Variants in LMTK2 observed in about 807,000 individuals in gnomAD.
LMTK2 encodes the protein lemur tail kinase 2.
A neutral mutation model predicts 127.5 loss-of-function variants in LMTK2; 37 were observed. The observed-to-expected ratio is 0.29, with a 90% CI of 0.22 to 0.38. The LOEUF is 0.38. LMTK2 is among the 10% of genes least tolerant of loss of function. The pLI, the probability that LMTK2 is intolerant of heterozygous loss-of-function variation, is 1.00. For missense variants in LMTK2, 1,694 were observed against 1,920.3 expected (o/e 0.88, Z 2.20); for synonymous variants, 819 against 810.1 (o/e 1.01, Z -0.19).
chr7:98,172,302 C>CTTTT (rs397948033), intron 7 of LMTK2, among the ~76,000 whole-genome samples: 3 of 127,838 alleles, frequency 2.3e-5, no homozygotes, highest in African/African-American at 5.9e-5. Context: ...GACCATAGTT[C>CTTTT]TTTTTTTTTT....
chr7:98,194,997 A>G lies in LMTK2; in HGVS notation c.4107+425A>G, dbSNP rs549541630. On this transcript the variant is annotated intron_variant, in intron 11 of 13. Coordinates refer to ENST00000297293, the MANE Select transcript of LMTK2 (RefSeq NM_014916.4). The surrounding 1 kb of genome is among the most constrained non-coding windows in gnomAD (Gnocchi z 5.4). ...CACCTTCCATAATAGCTGGGCCCACAGGTTCATGCCACCATGGCTGGCTAA... is the reference window on the plus strand; with the variant it reads ...CACCTTCCATAATAGCTGGGCCCACGGGTTCATGCCACCATGGCTGGCTAA... Among the ~76,000 whole-genome samples the G allele has an allele frequency of 1.3e-5, 2 of 152,260 alleles. No individual in the cohort carries two copies. The highest frequency in any genetic ancestry group is 4.1e-4 in the South Asian group (2 of 4,822).
intron 7 of LMTK2, among the ~76,000 whole-genome samples, chr7:98,177,385 A>G (rs930181098): frequency 2.6e-5 from 4 of 152,262 alleles, no homozygotes; most frequent in African/African-American, 4.8e-5. Context: ...TGAAGAATGT[A>G]AAATAACATG....
chr7:98,194,161 G>A lies in LMTK2; in HGVS notation c.3696G>A (p.Thr1232=), dbSNP rs145993561. 2.7e-5 allele frequency: 43 copies of A among 1,613,858 alleles called. No homozygotes were observed. Among genetic ancestry groups the A allele is most frequent in the African/African-American group, 1.9e-4 (14 of 74,890 alleles). The change falls in exon 11 of 14, where the codon ACG becomes ACA. Residue 1232 remains threonine (T), a synonymous_variant. Transcript: ENST00000297293. This position sits in a 1 kb window ranked among gnomAD's most constrained non-coding sequence, Gnocchi z 5.4. ...PCTLASTGTN[T]NELLAYTNSA... is the part of the protein sequence containing the mutation. ...CCCTCGCTTCCACGGGGACCAACACGAACGAACTCCTTGCCTACACCAATT... is the reference window on the plus strand; with the variant it reads ...CCCTCGCTTCCACGGGGACCAACACAAACGAACTCCTTGCCTACACCAATT...
At chr7:98,191,349 C>G (rs1047951637) in intron 10 of LMTK2, among the ~76,000 whole-genome samples, 7 of 151,980 alleles carry the variant, frequency 4.6e-5, no homozygotes, top group Non-Finnish European at 8.8e-5. Context: ...GTGAGGAGTT[C>G]AAGACCAGCC....
intron 6 of LMTK2, among the ~76,000 whole-genome samples, chr7:98,161,210 A>G (rs901673429): frequency 7.9e-5 from 12 of 151,670 alleles, no homozygotes; most frequent in African/African-American, 1.5e-4. Context: ...TTCCCCATCT[A>G]CAAGTCTGGA....
chr7:98,110,790 G>A (rs149072419), intron 1 of LMTK2, among the ~76,000 whole-genome samples: 1 of 152,352 alleles, frequency 6.6e-6, no homozygotes, highest in Non-Finnish European at 1.5e-5. Flanking sequence ...TACAGAGGAA[G>A]CTTTTAGCAG....
At chr7:98,110,267 T>C (rs1325691673) in intron 1 of LMTK2, among the ~76,000 whole-genome samples, 1 of 152,218 alleles carries the variant, frequency 6.6e-6, no homozygotes, top group East Asian at 1.9e-4. Context: ...TCTTATTCAG[T>C]CATAATAAAG....
At chr7:98,140,077 A>ACTTACTTACTTT (rs1562902425) in intron 2 of LMTK2, among the ~76,000 whole-genome samples, 1 of 23,754 alleles carries the variant, frequency 4.2e-5, no homozygotes, top group African/African-American at 9.1e-5. Context: ...GGTTTCCACA[A>ACTTACTTACTTT]CTTTCTTTCT....
Position 98,207,134 on chromosome 7 carries a change from C to G in LMTK2, c.*1642C>G, listed in dbSNP as rs1797817611. ...CGGCTGTGCTGTGCTGGGGAGGCAG[C>G]CGTTCCTTCGGGGGTCCTTGGGCCT... is the stretch of plus-strand genomic sequence containing the variant. On this transcript the variant is annotated 3_prime_UTR_variant, in exon 14 of 14. Coordinates refer to ENST00000297293, the MANE Select transcript of LMTK2 (RefSeq NM_014916.4). 1 of 152,310 alleles carries G rather than the reference C, an allele frequency of 6.6e-6. No homozygotes were observed. 9.4% of individuals were successfully genotyped at this position (152,310 alleles called of 1,614,324 possible). A position where few individuals can be genotyped will look rare whatever the true frequency, so the allele number is the denominator to read the frequency against.
At chr7:98,203,524 G>A (rs781604374) in intron 11 of LMTK2, 50 bp from the exon 12 acceptor site, 41 of 1,550,732 alleles carry the variant, frequency 2.6e-5, no homozygotes, top group Admixed American at 8.9e-5. Flanking sequence ...CACACGGGGG[G>A]TTCCCGTGAG....
At chr7:98,191,335 C>T (rs748948734) in intron 10 of LMTK2, among the ~76,000 whole-genome samples, 1 of 152,120 alleles carries the variant, frequency 6.6e-6, no homozygotes, top group East Asian at 2.0e-4. Flanking sequence ...GGGCAGATCA[C>T]GAGGTGAGGA....
chr7:98,203,501 G>T, intron 11 of LMTK2, 73 bp from the exon 12 acceptor site: 8 of 1,513,812 alleles, frequency 5.3e-6, no homozygotes, highest in Non-Finnish European at 7.0e-6. Flanking sequence ...GCGCCTGCCA[G>T]TGGGGAAGCG....
At position 98,192,062 on chromosome 7, in the gene LMTK2, G is replaced by A. The variant is rs768435505; in HGVS notation, c.1597G>A (p.Val533Ile). Reference protein sequence around the residue: ...DDSGQDVPLRVPGVVPVFDAH... With the variant: ...DDSGQDVPLRIPGVVPVFDAH... The stretch of plus-strand genomic sequence containing the variant: ...CAGCGGCCAGGATGTCCCCCTGAGG[G>A]TCCCTGGAGTGGTTCCTGTTTTTGA... The change falls in exon 11 of 14, where the codon GTC (valine) becomes ATC (isoleucine). Residue 533 changes from valine (V) to isoleucine (I), a missense_variant. Val to Ile is a conservative substitution (Grantham distance 29). This residue lies in a region of LMTK2 where 216 missense variants were observed against 266.8 expected (regional missense o/e 0.81). Transcript: ENST00000297293. 1 of 1,586,566 alleles carries A rather than the reference G, an allele frequency of 6.3e-7. No individual in the cohort carries two copies. The highest frequency in any genetic ancestry group is 2.2e-5 in the East Asian group (1 of 44,522).
chr7:98,205,150 G>A (rs1477289205), intron 13 of LMTK2, among the ~76,000 whole-genome samples: 1 of 152,120 alleles, frequency 6.6e-6, no homozygotes, highest in Admixed American at 6.6e-5. Context: ...TATTTCCCTC[G>A]GCGCTAGGCT....
chr7:98,109,283 G>C (rs775291743), intron 1 of LMTK2, among the ~76,000 whole-genome samples: 9 of 152,162 alleles, frequency 5.9e-5, no homozygotes, highest in Non-Finnish European at 1.0e-4. Flanking sequence ...TCTGTAAATA[G>C]AGATATCAAA....
rs1366002522 is a variant in LMTK2 at position 98,194,131 on chromosome 7, C to T, written c.3666C>T (p.Pro1222=). The T allele has an allele frequency of 6.8e-6, 11 of 1,614,118 alleles. No homozygotes were observed. Among genetic ancestry groups the T allele is most frequent in the Non-Finnish European group, 9.3e-6 (11 of 1,180,044 alleles). ...GDDFETQDDR[P]CTLASTGTNT... is the part of the protein sequence containing the mutation. ...ACTTCGAGACACAGGACGATCGCCC[C>T]TGCACCCTCGCTTCCACGGGGACCA... Residue 1222 remains proline (P), a synonymous_variant, in exon 11 of 14, where the codon CCC becomes CCT. Transcript: ENST00000297293. The surrounding 1 kb of genome is among the most constrained non-coding windows in gnomAD (Gnocchi z 5.4).
intron 8 of LMTK2, 46 bp from the exon 9 acceptor site, chr7:98,186,831 A>G: frequency 1.3e-6 from 2 of 1,560,570 alleles, no homozygotes; most frequent in South Asian, 1.1e-5. Flanking sequence ...GAACTCACCA[A>G]AAGTATAATT....
chr7:98,174,424 G>A (rs1298379772), intron 7 of LMTK2, among the ~76,000 whole-genome samples: 3 of 152,194 alleles, frequency 2.0e-5, no homozygotes, highest in African/African-American at 7.2e-5. Context: ...CTCTGAAGTC[G>A]TGCATGTGAC....
chr7:98,128,810 G>GT (rs1562898711), intron 1 of LMTK2, among the ~76,000 whole-genome samples: 2 of 152,258 alleles, frequency 1.3e-5, no homozygotes, highest in African/African-American at 4.8e-5. Context: ...TGGTGCGTGT[G>GT]GGTAAACACC....
Sources: gnomAD v4.1 joint callset for allele counts (sites outside exome capture counted in the v4.1 genomes callset) on GRCh38, gnomAD v4.1.1 for gene constraint, gnomAD v4.1.1 regional missense constraint, Gnocchi (gnomAD v3.1) non-coding constraint, MANE v1.5 for transcripts, NCBI Gene and HGNC (gene_info 2026-07-23, HGNC 2026-07-21) for gene names.